The following ARPC3 variants were observed in gnomAD, a reference collection of about 807,000 sequenced individuals.
ARPC3 encodes actin-related protein 2/3 complex subunit 3.
A neutral mutation model predicts 27.6 loss-of-function variants in ARPC3; 12 were observed. The ratio of observed to expected loss-of-function variants is 0.43; its 90% CI spans 0.28 to 0.70. The LOEUF is 0.70. Ranked by LOEUF, ARPC3 falls within the 30% of genes least tolerant of loss-of-function variation. The probability of loss-of-function intolerance (pLI) is 0.17; values close to 1 mark genes in which losing one functional copy is unlikely to be tolerated. For missense variants in ARPC3, 153 were observed against 207.7 expected (o/e 0.74, Z 1.62); for synonymous variants, 53 against 67.2 (o/e 0.79, Z 1.03).
chr12:110,436,061 T>A (rs761611955), intron 6 of ARPC3, 49 bp downstream of exon 6: 1 of 1,403,568 alleles, frequency 7.1e-7, no homozygotes, highest in African/African-American at 1.4e-5. Flanking sequence ...ATGGTGGCTA[T>A]GGGATAAAAG....
At chr12:110,442,181 T>C (rs2135501790) in intron 2 of ARPC3, among the ~76,000 whole-genome samples, 1 of 152,230 alleles carries the variant, frequency 6.6e-6, no homozygotes, top group East Asian at 1.9e-4. Flanking sequence ...AAAAAATTTT[T>C]AATTGTCACC....
chr12:110,435,044 T>C lies in ARPC3; in HGVS notation c.*111A>G, dbSNP rs1013588732. 3.6e-6 allele frequency: 3 copies of C among 839,630 alleles called. No individual in the cohort carries two copies. Among genetic ancestry groups the C allele is most frequent in the Non-Finnish European group, 6.1e-6 (3 of 491,504 alleles). The allele number at this position is 839,630 out of a possible 1,614,324, so 52.0% of individuals were successfully genotyped here. On this transcript the variant is annotated 3_prime_UTR_variant, in exon 7 of 7. Coordinates refer to ENST00000228825, the MANE Select transcript of ARPC3 (RefSeq NM_001278556.2). Reference sequence around the variant, plus strand: ...ATCAAGAGTTTTTCAAGTAAAGACATGCTCTTCTCTCTTCTGTATAAAACT... The same window carrying C: ...ATCAAGAGTTTTTCAAGTAAAGACACGCTCTTCTCTCTTCTGTATAAAACT...
intron 2 of ARPC3, among the ~76,000 whole-genome samples, chr12:110,442,000 C>T (rs2135501656): frequency 6.7e-6 from 1 of 149,756 alleles, no homozygotes; most frequent in African/African-American, 2.5e-5. Context: ...CATTGCACTC[C>T]AGCCTGGGCA....
rs1188964586 is a variant in ARPC3 at position 110,434,904 on chromosome 12, A to C, written c.*251T>G. Reference sequence around the variant, plus strand: ...TGGCAATAAAGTTTTTCTGACATGGAATGTTAGAAATTTCTTTATTATTAC... The same window carrying C: ...TGGCAATAAAGTTTTTCTGACATGGCATGTTAGAAATTTCTTTATTATTAC... On this transcript the variant is annotated 3_prime_UTR_variant, in exon 7 of 7. Coordinates refer to ENST00000228825, the MANE Select transcript of ARPC3 (RefSeq NM_001278556.2). 1 of 653,366 alleles carries C rather than the reference A, an allele frequency of 1.5e-6. No homozygotes were observed. The highest frequency in any genetic ancestry group is 1.8e-5 in the African/African-American group (1 of 55,412). The allele number at this position is 653,366 out of a possible 1,614,324, so 40.5% of individuals were successfully genotyped here. A position where few individuals can be genotyped will look rare whatever the true frequency, so the allele number is the denominator to read the frequency against.
chr12:110,437,497 AGC>A (rs1020342208), intron 3 of ARPC3, among the ~76,000 whole-genome samples: 59 of 152,098 alleles, frequency 3.9e-4, no homozygotes, highest in African/African-American at 1.4e-3. Context: ...CCTCCCGAGT[AGC>A]TGGGATTACA....
intron 1 of ARPC3, among the ~76,000 whole-genome samples, chr12:110,449,765 G>C (rs2062489749): frequency 6.6e-6 from 1 of 152,110 alleles, no homozygotes; most frequent in African/African-American, 2.4e-5. Flanking sequence ...GGCGCCGAAC[G>C]AGTCTGTGAG....
intron 2 of ARPC3, chr12:110,445,139 T>A: frequency 3.2e-6 from 1 of 312,878 alleles, no homozygotes; most frequent in Non-Finnish European, 6.1e-6. Context: ...ACAGAAAGGA[T>A]GGGCATGTGG....
At chr12:110,447,283 GCAT>G (rs2062470173) in intron 1 of ARPC3, among the ~76,000 whole-genome samples, 1 of 152,218 alleles carries the variant, frequency 6.6e-6, no homozygotes, top group Non-Finnish European at 1.5e-5. Context: ...ATTTATGAGA[GCAT>G]TTTGTATGCT....
At chr12:110,437,354 C>T (rs1308229951) in intron 3 of ARPC3, 9 of 548,346 alleles carry the variant, frequency 1.6e-5, no homozygotes, top group Non-Finnish European at 2.3e-5. Flanking sequence ...GCACAAGCCC[C>T]ACTCTGAGAT....
chr12:110,448,402 C>G (rs776590470), intron 1 of ARPC3, among the ~76,000 whole-genome samples: 1 of 151,986 alleles, frequency 6.6e-6, no homozygotes, highest in Non-Finnish European at 1.5e-5. Flanking sequence ...TGAGGCTGAG[C>G]GAGGTGGCTC....
Position 110,445,830 on chromosome 12 carries a change from G to A in ARPC3, c.7-279C>T, listed in dbSNP as rs551517329. On this transcript the variant is annotated intron_variant, in intron 1 of 6. Coordinates refer to ENST00000228825, the MANE Select transcript of ARPC3 (RefSeq NM_001278556.2). ...ATTAAGTAAATGATGTTGGCTGGAC[G>A]TGGTGGCTCATGCCTGTAATCCCAG... Among the ~76,000 whole-genome samples, 5 of 152,310 alleles carry A rather than the reference G, an allele frequency of 3.3e-5. No homozygotes were observed. The East Asian group carries it at 7.7e-4, about 23-fold the overall frequency.
At chr12:110,439,954 T>C (rs925879320) in intron 3 of ARPC3, among the ~76,000 whole-genome samples, 2 of 152,194 alleles carry the variant, frequency 1.3e-5, no homozygotes, top group African/African-American at 4.8e-5. Flanking sequence ...ATTTTTAGGT[T>C]TTGTGGGCCA....
Position 110,440,301 on chromosome 12 carries a change from C to T in ARPC3, c.183+11G>A. ...AAAACTAAGTTAAATATTAAAAGCT[C>T]CGTAATTTACCTTAATTTCATAGTT... On this transcript the variant is annotated intron_variant, in intron 3 of 6. Coordinates refer to ENST00000228825, the MANE Select transcript of ARPC3 (RefSeq NM_001278556.2). The T allele has an allele frequency of 6.4e-7, 1 of 1,572,876 alleles. No homozygotes were observed. Among genetic ancestry groups the T allele is most frequent in the Non-Finnish European group, 8.7e-7 (1 of 1,143,344 alleles).
intron 4 of ARPC3, 134 bp from the exon 5 acceptor site, chr12:110,436,817 G>A (rs939198087): frequency 1.3e-6 from 1 of 775,680 alleles, no homozygotes; most frequent in African/African-American, 1.8e-5. Context: ...TTGAGTCAAG[G>A]GCTTAAAAGG....
chr12:110,445,301 T>C, intron 2 of ARPC3, 151 bp downstream of exon 2: 1 of 663,794 alleles, frequency 1.5e-6, no homozygotes, highest in South Asian at 1.7e-5. Context: ...ATAACCACTA[T>C]CTTGAAAGGT....
At chr12:110,437,255 T>A in intron 3 of ARPC3, 103 bp from the exon 4 acceptor site, 1 of 811,532 alleles carries the variant, frequency 1.2e-6, no homozygotes, top group Non-Finnish European at 2.1e-6. Context: ...CTGAATGCAG[T>A]GGTAGGACAG....
At chr12:110,447,706 G>A (rs1335533530) in intron 1 of ARPC3, among the ~76,000 whole-genome samples, 1 of 152,072 alleles carries the variant, frequency 6.6e-6, no homozygotes, top group African/African-American at 2.4e-5. Flanking sequence ...CCAGGAGGCA[G>A]AGGTTGCAGT....
intron 2 of ARPC3, 70 bp from the exon 3 acceptor site, chr12:110,440,458 C>A (rs1170010203): frequency 2.8e-6 from 3 of 1,053,726 alleles, no homozygotes; most frequent in Non-Finnish European, 4.5e-6. Flanking sequence ...CTATCAAAGC[C>A]ATAAAGGGAA....
chr12:110,443,969 G>GTTT (rs34686679), intron 2 of ARPC3, among the ~76,000 whole-genome samples: 2 of 146,156 alleles, frequency 1.4e-5, no homozygotes, highest in African/African-American at 2.5e-5. Flanking sequence ...TCCAATTCAG[G>GTTT]TTTTTTTTTT....
Sources: gnomAD v4.1 joint callset for allele counts (sites outside exome capture counted in the v4.1 genomes callset) on GRCh38, gnomAD v4.1.1 for gene constraint, MANE v1.5 for transcripts, NCBI Gene and HGNC (gene_info 2026-07-23, HGNC 2026-07-21) for gene names.